Variants in CPAMD8 observed in about 807,000 individuals in gnomAD.
CPAMD8 encodes C3 and PZP-like alpha-2-macroglobulin domain-containing protein 8.
A neutral mutation model predicts 224.7 loss-of-function variants in CPAMD8; 146 were observed. That is an observed-to-expected ratio of 0.65 (90% CI 0.57 to 0.75). The LOEUF is 0.75. Ranked by LOEUF, CPAMD8 falls within the 30% of genes least tolerant of loss-of-function variation. The probability of loss-of-function intolerance (pLI) is 0.00; values close to 1 mark genes in which losing one functional copy is unlikely to be tolerated. For synonymous variants in CPAMD8, 966 were observed against 1,044.6 expected (o/e 0.92, Z 1.45); for missense variants, 2,301 against 2,537.5 (o/e 0.91, Z 2.00).
At chr19:17,006,999 G>A (rs1568593490) in intron 7 of CPAMD8, among the ~76,000 whole-genome samples, 1 of 152,214 alleles carries the variant, frequency 6.6e-6, no homozygotes, top group Non-Finnish European at 1.5e-5. Context: ...AAGGGAACGA[G>A]AGGGAGTAAA....
At chr19:16,893,533 G>A in intron 41 of CPAMD8, 194 bp from the exon 42 acceptor site, 1 of 500,940 alleles carries the variant, frequency 2.0e-6, no homozygotes, top group Non-Finnish European at 3.6e-6. Context: ...GCTGAGCGGT[G>A]TTGGCTGAAA....
At chr19:16,989,350 G>A in intron 13 of CPAMD8, among the ~76,000 whole-genome samples, 1 of 152,008 alleles carries the variant, frequency 6.6e-6, no homozygotes, top group East Asian at 1.9e-4. Flanking sequence ...GCAGTGGTGT[G>A]ATCTCAGCTC....
chr19:16,902,781 T>C lies in CPAMD8; in HGVS notation c.4553A>G (p.Gln1518Arg). The C allele has an allele frequency of 1.3e-6, 2 of 1,590,568 alleles. No individual in the cohort carries two copies. Among genetic ancestry groups the C allele is most frequent in the Non-Finnish European group, 8.6e-7 (1 of 1,164,638 alleles). The change falls in exon 35 of 42, where the codon CAG becomes CGG. Residue 1518 changes from glutamine to arginine, a missense_variant. This residue lies in a region of CPAMD8 where 1,709 missense variants were observed against 1,753.2 expected (regional missense o/e 0.97). Transcript: ENST00000443236. ...LLVSLQEPEA[Q>R]GRPPPMPASA... Reference sequence around the variant, plus strand: ...GGCAGGCATGGGGGGCGGGCGTCCCTGGGCCTCAGGCTCCTGGAGGCTTAC... The same window carrying C: ...GGCAGGCATGGGGGGCGGGCGTCCCCGGGCCTCAGGCTCCTGGAGGCTTAC...
intron 22 of CPAMD8, among the ~76,000 whole-genome samples, chr19:16,942,755 C>T (rs149746677): frequency 3.3e-5 from 5 of 152,304 alleles, no homozygotes; most frequent in African/African-American, 1.2e-4. Context: ...TAGCCCATCT[C>T]GGGCTGCACT....
At chr19:16,962,110 C>T (rs1033140397) in intron 18 of CPAMD8, among the ~76,000 whole-genome samples, 7 of 152,188 alleles carry the variant, frequency 4.6e-5, no homozygotes, top group Non-Finnish European at 8.8e-5. Flanking sequence ...GCTGATAATT[C>T]TAAAAACCTG....
In CPAMD8 at chr19:16,989,677, T is replaced by C. The variant is rs779122863; in HGVS notation, c.1361A>G (p.Tyr454Cys). The change falls in exon 13 of 42, where the codon TAC becomes TGC. Residue 454 changes from tyrosine to cysteine, a missense_variant. Transcript: ENST00000443236. ...GTGGGAGGGTGGCTGCAGCTGCAGG[T>C]AGCACTGGCTGGGGGAGTACCAGCT... ...LGSWYSPSQC[Y>C]LQLQPPSHPL... The C allele has an allele frequency of 1.2e-6, 2 of 1,613,874 alleles. No individual in the cohort carries two copies. The highest frequency in any genetic ancestry group is 1.3e-5 in the African/African-American group (1 of 74,904).
chr19:16,971,182 G>GTTTGT (rs892980580), intron 17 of CPAMD8, 149 bp from the exon 18 acceptor site: 51 of 659,552 alleles, frequency 7.7e-5, no homozygotes, highest in African/African-American at 1.9e-4. Context: ...GCTTTTTTGG[G>GTTTGT]TTTGTTTTGT....
intron 23 of CPAMD8, among the ~76,000 whole-genome samples, chr19:16,932,298 G>T (rs1248835764): frequency 6.6e-6 from 1 of 152,064 alleles, no homozygotes; most frequent in Non-Finnish European, 1.5e-5. Flanking sequence ...GCATGTGCTT[G>T]TAGTCCTAGC....
At chr19:17,015,208 C>T (rs1426288233) in intron 3 of CPAMD8, among the ~76,000 whole-genome samples, 1 of 152,120 alleles carries the variant, frequency 6.6e-6, no homozygotes, top group African/African-American at 2.4e-5. Context: ...TACAGCTGCA[C>T]TCCAGCCTAG....
intron 34 of CPAMD8, 52 bp downstream of exon 34, chr19:16,903,509 T>G: frequency 6.2e-7 from 1 of 1,611,310 alleles, no homozygotes; most frequent in Non-Finnish European, 8.5e-7. Flanking sequence ...TTGGAGGGAA[T>G]GGGGCACAGG....
intron 3 of CPAMD8, among the ~76,000 whole-genome samples, chr19:17,011,964 A>G (rs148074007): frequency 6.6e-6 from 1 of 152,244 alleles, no homozygotes; most frequent in East Asian, 1.9e-4. Context: ...AGGGGAATAG[A>G]GAGGCTGCTC....
At chr19:17,025,851 C>A (rs1265639048) in intron 1 of CPAMD8, among the ~76,000 whole-genome samples, 1 of 152,134 alleles carries the variant, frequency 6.6e-6, no homozygotes, top group African/African-American at 2.4e-5. Flanking sequence ...CTACTCACTG[C>A]AAATAACGAC....
In CPAMD8 at chr19:16,904,286, C is replaced by A; in HGVS notation, c.4191G>T (p.Leu1397=). ...YTLLGDVAAA[L]PVVKWLSQQR... is the part of the protein sequence containing the mutation. ...GCTGGGACAGCCACTTCACCACAGG[C>A]AGGGCGGCAGCCACGTCACCCAGCA... Residue 1397 remains leucine, a synonymous_variant, in exon 32 of 42, where the codon CTG becomes CTT. Coordinates refer to ENST00000443236, the MANE Select transcript of CPAMD8 (RefSeq NM_015692.5). The A allele has an allele frequency of 6.2e-7, 1 of 1,613,498 alleles. No individual in the cohort carries two copies. Among genetic ancestry groups the A allele is most frequent in the Non-Finnish European group, 8.5e-7 (1 of 1,179,988 alleles).
chr19:16,991,724 G>A (rs1251333417), intron 12 of CPAMD8, among the ~76,000 whole-genome samples: 2 of 151,910 alleles, frequency 1.3e-5, no homozygotes, highest in Admixed American at 6.6e-5. Context: ...GCGTGGTGGG[G>A]GGCGCCTGTA....
chr19:16,928,005 G>A lies in CPAMD8; in HGVS notation c.3370+4C>T, dbSNP rs376572782. 1.9e-4 allele frequency: 301 copies of A among 1,602,150 alleles called. No homozygotes were observed. The highest frequency in any genetic ancestry group is 2.1e-4 in the Non-Finnish European group (248 of 1,169,308). ...CTCCAAGCCAGGCTGTGGGACAGAC[G>A]CACCGATGATGGAGGCGGTGGCTCG... On this transcript the variant is annotated splice_donor_region_variant and intron_variant, in intron 25 of 41. Coordinates refer to ENST00000443236, the MANE Select transcript of CPAMD8 (RefSeq NM_015692.5).
rs113882468 is a variant in CPAMD8 at position 16,903,961 on chromosome 19, C to T, written c.4252-104G>A. 2,286 of 1,203,434 alleles carry T rather than the reference C, an allele frequency of 1.9e-3. 44 individuals carry two copies. In the African/African-American group the frequency reaches 0.031, roughly 16 times the overall value. The allele number at this position is 1,203,434 out of a possible 1,614,324, so 74.5% of individuals were successfully genotyped here. Reference sequence around the variant, plus strand: ...TAGCCTAAAACAGGCACCAACGGGGCTGGAATAGAGACTGGACCCAGTGCA... The same window carrying T: ...TAGCCTAAAACAGGCACCAACGGGGTTGGAATAGAGACTGGACCCAGTGCA... On this transcript the variant is annotated intron_variant, in intron 32 of 41. Coordinates refer to ENST00000443236, the MANE Select transcript of CPAMD8 (RefSeq NM_015692.5).
rs1447795266 is a variant in CPAMD8, at chr19:16,898,739, A to G, written c.4848+736T>C. On this transcript the variant is annotated intron_variant, in intron 37 of 41. Transcript: ENST00000443236. This position sits in a 1 kb window ranked among gnomAD's most constrained non-coding sequence, Gnocchi z 4.2. ...TGTCTGGCTTCTTTCACTCAGCATCATGTTTCTGAGGTTCATCCATGCTGT... is the reference window on the plus strand; with the variant it reads ...TGTCTGGCTTCTTTCACTCAGCATCGTGTTTCTGAGGTTCATCCATGCTGT... Among the ~76,000 whole-genome samples, 4 of 151,664 alleles carry G rather than the reference A, an allele frequency of 2.6e-5. No individual in the cohort carries two copies. The highest frequency in any genetic ancestry group is 9.7e-5 in the African/African-American group (4 of 41,222).
intron 22 of CPAMD8, among the ~76,000 whole-genome samples, chr19:16,944,653 G>A (rs1044736630): frequency 3.9e-5 from 6 of 152,122 alleles, no homozygotes; most frequent in South Asian, 2.1e-4. Flanking sequence ...CAGAGATCTC[G>A]GTCCCCACCT....
chr19:16,894,238 C>T (rs1248246006), intron 41 of CPAMD8: 2 of 370,870 alleles, frequency 5.4e-6, no homozygotes, highest in Non-Finnish European at 1.1e-5. Flanking sequence ...TGAGCCCACA[C>T]CTGGGTCCCA....
Sources: gnomAD v4.1 joint callset for allele counts (sites outside exome capture counted in the v4.1 genomes callset) on GRCh38, gnomAD v4.1.1 for gene constraint, gnomAD v4.1.1 regional missense constraint, Gnocchi (gnomAD v3.1) non-coding constraint, MANE v1.5 for transcripts, NCBI Gene and HGNC (gene_info 2026-07-23, HGNC 2026-07-21) for gene names.